The following GTPBP4 variants were observed in gnomAD, a reference collection of about 807,000 sequenced individuals.
GTPBP4 encodes GTP binding protein 4.
In GTPBP4, 15 loss-of-function variants were observed where a neutral mutation model predicts 81.7. That is an observed-to-expected ratio of 0.18 (90% CI 0.12 to 0.28). The LOEUF is 0.28. GTPBP4 is among the 10% of genes least tolerant of loss of function. The pLI, the probability that GTPBP4 is intolerant of heterozygous loss-of-function variation, is 1.00. For missense variants in GTPBP4, 847 were observed against 793.8 expected, an observed-to-expected ratio of 1.07 and a Z score of -0.81; for synonymous variants, 272 against 274.6, an observed-to-expected ratio of 0.99 and a Z score of 0.09.
chr10:997,378 C>T (rs1275862471), intron 5 of GTPBP4, 70 bp downstream of exon 5: 1 of 889,380 alleles, frequency 1.1e-6, no homozygotes. Flanking sequence ...ATTCTGGCGG[C>T]GTGGGATTCA....
At chr10:1,007,319 C>T in intron 10 of GTPBP4, 191 bp downstream of exon 10, 1 of 527,302 alleles carries the variant, frequency 1.9e-6, no homozygotes, top group Non-Finnish European at 3.4e-6. Context: ...CACATGGCAC[C>T]CGTTTCCCAC....
rs1314814147 is a variant in GTPBP4, at chr10:1,000,861, T to A, written c.839T>A (p.Ile280Asn). The change falls in exon 7 of 17, where the codon ATC (isoleucine) becomes AAC (asparagine). Residue 280 changes from isoleucine (I) to asparagine (N), a missense_variant. By Grantham distance (149) the Ile-to-Asn change is moderately radical. Coordinates refer to ENST00000360803, the MANE Select transcript of GTPBP4 (RefSeq NM_012341.3). ...ELFQNIRPLF[I>N]NKPLIVVANK... Reference sequence around the variant, plus strand: ...TTCCAGAACATCAGACCTCTCTTCATCAACAAGGTGTGTGTGGTCACTCAT... The same window carrying A: ...TTCCAGAACATCAGACCTCTCTTCAACAACAAGGTGTGTGTGGTCACTCAT... The A allele has an allele frequency of 1.2e-6, 2 of 1,611,608 alleles. No homozygotes were observed. The highest frequency in any genetic ancestry group is 2.7e-5 in the African/African-American group (2 of 75,012).
At chr10:999,601 A>C (rs1831588586) in intron 6 of GTPBP4, among the ~76,000 whole-genome samples, 1 of 152,236 alleles carries the variant, frequency 6.6e-6, no homozygotes, top group Non-Finnish European at 1.5e-5. Flanking sequence ...TTCTTAACAT[A>C]AAATGAAATT....
chr10:1,013,605 A>G (rs1831919632), intron 14 of GTPBP4, among the ~76,000 whole-genome samples: 1 of 152,090 alleles, frequency 6.6e-6, no homozygotes, highest in Admixed American at 6.5e-5. Flanking sequence ...GCAAGACTCC[A>G]TCTCAAAAAA....
In GTPBP4 at chr10:1,019,856, G is replaced by A. The variant is rs764191760; in HGVS notation, c.*2629G>A. On this transcript the variant is annotated 3_prime_UTR_variant, in exon 17 of 17. Coordinates refer to ENST00000360803, the MANE Select transcript of GTPBP4 (RefSeq NM_012341.3). Reference sequence around the variant, plus strand: ...AAATCTATTGACAGAAATTGGTGCAGTGTTAACAACGCTAATGTAAAACAC... The same window carrying A: ...AAATCTATTGACAGAAATTGGTGCAATGTTAACAACGCTAATGTAAAACAC... 1.9e-6 allele frequency: 3 copies of A among 1,542,160 alleles called. No individual in the cohort carries two copies. Among genetic ancestry groups the A allele is most frequent in the Non-Finnish European group, 2.7e-6 (3 of 1,115,430 alleles).
At chr10:1,002,551 C>T (rs947980859) in intron 8 of GTPBP4, among the ~76,000 whole-genome samples, 2 of 152,158 alleles carry the variant, frequency 1.3e-5, no homozygotes. Flanking sequence ...ATTGTCTTCG[C>T]TTCCAGATGT....
intron 9 of GTPBP4, among the ~76,000 whole-genome samples, chr10:1,006,751 G>A (rs1469093573): frequency 6.6e-6 from 1 of 152,206 alleles, no homozygotes; most frequent in African/African-American, 2.4e-5. Context: ...AGTCCTGAGG[G>A]GCAACATTGC....
At position 1,019,877 on chromosome 10, in the gene GTPBP4, A is replaced by G; in HGVS notation, c.*2650A>G. The G allele has an allele frequency of 7.5e-7, 1 of 1,337,434 alleles. No individual in the cohort carries two copies. Among genetic ancestry groups the G allele is most frequent in the Admixed American group, 1.8e-5 (1 of 55,610 alleles). 82.8% of individuals were successfully genotyped at this position (1,337,434 alleles called of 1,614,324 possible). A position where few individuals can be genotyped will look rare whatever the true frequency, so the allele number is the denominator to read the frequency against. ...TGCAGTGTTAACAACGCTAATGTAA[A>G]ACACAGAATTTACAGAAAAATAGAG... On this transcript the variant is annotated 3_prime_UTR_variant, in exon 17 of 17. Transcript: ENST00000360803.
In GTPBP4 at chr10:996,046, T is replaced by C; in HGVS notation, c.323+14T>C. 1 of 1,590,798 alleles carries C rather than the reference T, an allele frequency of 6.3e-7. No individual in the cohort carries two copies. Among genetic ancestry groups the C allele is most frequent in the Admixed American group, 1.7e-5 (1 of 59,646 alleles). ...TTTAGTGGACAAGTAAGGTACTTTT[T>C]TCTGTAGTGTCTTTTAAGTTATCGA... On this transcript the variant is annotated intron_variant, in intron 3 of 16. Transcript: ENST00000360803.
rs1016673041 is a variant in GTPBP4, at chr10:1,019,908, A to T, written c.*2681A>T. On this transcript the variant is annotated 3_prime_UTR_variant, in exon 17 of 17. Transcript: ENST00000360803. The stretch of plus-strand genomic sequence containing the variant: ...GAATTTACAGAAAAATAGAGAAAAT[A>T]AACACATTTGTTTTCCTCAGAAAAT... 4.5e-6 allele frequency: 5 copies of T among 1,110,874 alleles called. No homozygotes were observed. Among genetic ancestry groups the T allele is most frequent in the Non-Finnish European group, 6.7e-6 (5 of 749,834 alleles). 68.8% of individuals were successfully genotyped at this position (1,110,874 alleles called of 1,614,324 possible).
chr10:1,014,058 A>AT (rs1364904242), intron 14 of GTPBP4, among the ~76,000 whole-genome samples, 189 bp from the exon 15 acceptor site: 8 of 152,188 alleles, frequency 5.3e-5, no homozygotes, highest in African/African-American at 1.9e-4. Context: ...TGCTCTGTTA[A>AT]TGTTAGTTTT....
chr10:1,014,427 C>T (rs747998197), intron 15 of GTPBP4, 115 bp downstream of exon 15: 32 of 694,010 alleles, frequency 4.6e-5, no homozygotes, highest in Non-Finnish European at 7.6e-5. Flanking sequence ...GAGGCCAAGG[C>T]GGGCAGATCA....
In GTPBP4 at chr10:999,055, T is replaced by C. The variant is rs2132160666; in HGVS notation, c.614T>C (p.Leu205Pro). ...VQPYAFTTKS[L>P]FVGHMDYKYL... Reference sequence around the variant, plus strand: ...CCCTATGCGTTCACAACCAAGTCTCTGTTTGTTGGGCACATGGATTATAAG... The same window carrying C: ...CCCTATGCGTTCACAACCAAGTCTCCGTTTGTTGGGCACATGGATTATAAG... The change falls in exon 6 of 17, where the codon CTG (leucine) becomes CCG (proline). Residue 205 changes from leucine to proline, a missense_variant. Leu to Pro is a moderately conservative substitution (Grantham distance 98, BLOSUM62 -3). Around this residue, in one of 3 missense-constraint regions of GTPBP4, gnomAD observed 600 missense variants for 557.1 expected, o/e 1.08. Transcript: ENST00000360803. The C allele has an allele frequency of 6.2e-7, 1 of 1,607,254 alleles. No individual in the cohort carries two copies. Among genetic ancestry groups the C allele is most frequent in the East Asian group, 2.2e-5 (1 of 44,844 alleles).
chr10:1,011,052 G>C (rs1390411283), intron 13 of GTPBP4, among the ~76,000 whole-genome samples: 3 of 62,950 alleles, frequency 4.8e-5, no homozygotes, highest in East Asian at 4.0e-4. Flanking sequence ...GCTGTGCTGG[G>C]CCCTTCATTC....
chr10:1,008,836 T>G, intron 10 of GTPBP4, 122 bp from the exon 11 acceptor site: 3 of 765,022 alleles, frequency 3.9e-6, no homozygotes, highest in Non-Finnish European at 4.7e-6. Flanking sequence ...TGGTTGTTCA[T>G]TGGTCTGGGT....
intron 9 of GTPBP4, among the ~76,000 whole-genome samples, 175 bp from the exon 10 acceptor site, chr10:1,006,843 T>C (rs1192149710): frequency 3.3e-5 from 5 of 152,154 alleles, no homozygotes; most frequent in Non-Finnish European, 7.4e-5. Flanking sequence ...GCACTGGAGA[T>C]GCACCTTCCC....
At chr10:991,666 A>G (rs1309872208) in intron 1 of GTPBP4, among the ~76,000 whole-genome samples, 1 of 151,940 alleles carries the variant, frequency 6.6e-6, no homozygotes, top group East Asian at 1.9e-4. Context: ...GATAGCATCA[A>G]GAAAGTATGG....
intron 16 of GTPBP4, among the ~76,000 whole-genome samples, chr10:1,016,708 G>T (rs1032250223): frequency 4.6e-5 from 7 of 152,204 alleles, no homozygotes; most frequent in Non-Finnish European, 8.8e-5. Context: ...CTTGTCCTGG[G>T]TATGATTTTC....
intron 1 of GTPBP4, among the ~76,000 whole-genome samples, chr10:991,635 T>G (rs1482555630): frequency 6.6e-6 from 1 of 152,134 alleles, no homozygotes; most frequent in Non-Finnish European, 1.5e-5. Context: ...TTTCAAAGGT[T>G]CTTAGGTGTT....
Sources: gnomAD v4.1 joint callset for allele counts (sites outside exome capture counted in the v4.1 genomes callset) on GRCh38, gnomAD v4.1.1 for gene constraint, gnomAD v4.1.1 regional missense constraint, MANE v1.5 for transcripts, NCBI Gene and HGNC (gene_info 2026-07-23, HGNC 2026-07-21) for gene names.